NEMP2: variants seen among roughly 807,000 people sequenced by gnomAD.
NEMP2 encodes the protein UPF0571 transmembrane protein.
NEMP2 carries 53 observed loss-of-function variants against 54.2 expected under a neutral mutation model. The observed-to-expected ratio is 0.98, with a 90% CI of 0.78 to 1.23. The LOEUF (loss-of-function observed/expected upper bound fraction) is 1.23, where lower values mean the gene tolerates loss of function less well. NEMP2 is among the 50% of genes most tolerant of loss of function. NEMP2 has a pLI of 0.00. For missense variants in NEMP2, 455 were observed against 511.3 expected (o/e 0.89, Z 1.06); for synonymous variants, 197 against 190.3 (o/e 1.04, Z -0.29).
At chr2:190,426,458 T>G in the NEMP2 span, among the ~76,000 whole-genome samples, 1 of 152,234 alleles carries the variant, frequency 6.6e-6, no homozygotes, top group Non-Finnish European at 1.5e-5. The surrounding 1 kb of genome is among the most constrained non-coding windows in gnomAD (Gnocchi z 4.7). Flanking sequence ...TAATTGCCTA[T>G]CTAAGCATTT....
the NEMP2 span, among the ~76,000 whole-genome samples, chr2:190,467,674 A>G: frequency 6.6e-6 from 1 of 152,206 alleles, no homozygotes; most frequent in Admixed American, 6.5e-5. This position sits in a 1 kb window ranked among gnomAD's most constrained non-coding sequence, Gnocchi z 5.5. Flanking sequence ...CTCACTGACC[A>G]AATCTGGCCT....
chr2:190,577,598 G>A, the NEMP2 span, among the ~76,000 whole-genome samples: 1 of 152,180 alleles, frequency 6.6e-6, no homozygotes, highest in Non-Finnish European at 1.5e-5. This position sits in a 1 kb window ranked among gnomAD's most constrained non-coding sequence, Gnocchi z 4.8. Context: ...TAGTGAAGCT[G>A]GGAGCAGTGG....
the NEMP2 span, among the ~76,000 whole-genome samples, chr2:190,591,789 CATT>C: frequency 3.3e-5 from 5 of 152,128 alleles, no homozygotes; most frequent in Non-Finnish European, 5.9e-5. This position sits in a 1 kb window ranked among gnomAD's most constrained non-coding sequence, Gnocchi z 5.4. Flanking sequence ...GGACATAACA[CATT>C]ATTGTTGTTA....
chr2:190,512,776 G>A lies in NEMP2; in HGVS notation c.953+1677C>T, dbSNP rs1337404697. On this transcript the variant is annotated intron_variant, in intron 7 of 8. Coordinates refer to ENST00000409150, the MANE Select transcript of NEMP2 (RefSeq NM_001142645.2). The surrounding 1 kb of genome is among the most constrained non-coding windows in gnomAD (Gnocchi z 4.5). ...GGTGTTCCGAGTCACTGTTTGCCTCGGGCAGATGGGGCAAAGAGAGACCCA... is the reference window on the plus strand; with the variant it reads ...GGTGTTCCGAGTCACTGTTTGCCTCAGGCAGATGGGGCAAAGAGAGACCCA... 6.6e-6 allele frequency among the ~76,000 whole-genome samples: 1 copy of A among 152,132 alleles called. No individual in the cohort carries two copies. The highest frequency in any genetic ancestry group is 2.4e-5 in the African/African-American group (1 of 41,424).
chr2:190,574,890 T>A, the NEMP2 span, among the ~76,000 whole-genome samples: 1 of 147,846 alleles, frequency 6.8e-6, no homozygotes, highest in African/African-American at 2.5e-5. Flanking sequence ...AGTCTCACGC[T>A]GTCGCCCAGG....
At chr2:190,564,925 C>G in the NEMP2 span, among the ~76,000 whole-genome samples, 4 of 152,160 alleles carry the variant, frequency 2.6e-5, no homozygotes, top group Non-Finnish European at 4.4e-5. The surrounding 1 kb of genome is among the most constrained non-coding windows in gnomAD (Gnocchi z 4.2). Context: ...AAGCCATAGT[C>G]TAAAGTGTGT....
chr2:190,458,752 C>T, the NEMP2 span, among the ~76,000 whole-genome samples: 1 of 152,162 alleles, frequency 6.6e-6, no homozygotes, highest in Admixed American at 6.6e-5. The surrounding 1 kb of genome is among the most constrained non-coding windows in gnomAD (Gnocchi z 5.3). Context: ...AAAATGGGGA[C>T]TGTATTGTCC....
At chr2:190,440,956 C>T in the NEMP2 span, among the ~76,000 whole-genome samples, 1 of 152,082 alleles carries the variant, frequency 6.6e-6, no homozygotes, top group Non-Finnish European at 1.5e-5. Flanking sequence ...TTCAGCACAG[C>T]CAAGGACACA....
chr2:190,627,524 TAAC>T, the NEMP2 span, among the ~76,000 whole-genome samples: 1 of 152,024 alleles, frequency 6.6e-6, no homozygotes, highest in Non-Finnish European at 1.5e-5. The surrounding 1 kb of genome is among the most constrained non-coding windows in gnomAD (Gnocchi z 4.4). Context: ...TTTTGGCACT[TAAC>T]AAGTAATAAC....
chr2:190,435,954 A>T, the NEMP2 span: 1 of 1,503,742 alleles, frequency 6.7e-7, no homozygotes, highest in Admixed American at 2.2e-5. Flanking sequence ...TTACTAAGCC[A>T]TCTTTTAAAT....
At chr2:190,495,682 T>TAAATAAA in the NEMP2 span, among the ~76,000 whole-genome samples, 1 of 151,570 alleles carries the variant, frequency 6.6e-6, no homozygotes. This position sits in a 1 kb window ranked among gnomAD's most constrained non-coding sequence, Gnocchi z 4.7. Context: ...AGAAAACCCA[T>TAAATAAA]AAATAAAGCC....
In NEMP2 at chr2:190,508,910, G is replaced by T; in HGVS notation, c.*279C>A. 2.5e-6 allele frequency: 1 copy of T among 399,112 alleles called. No individual in the cohort carries two copies. 24.7% of individuals were successfully genotyped at this position (399,112 alleles called of 1,614,324 possible). On this transcript the variant is annotated 3_prime_UTR_variant, in exon 9 of 9. Transcript: ENST00000409150. The surrounding 1 kb of genome is among the most constrained non-coding windows in gnomAD (Gnocchi z 4.3). The stretch of plus-strand genomic sequence containing the variant: ...TGCTTACTAGCCCCTTAAGAACAAC[G>T]CCATTCCCCTGTTCCTAATGAAAGC...
intron 4 of NEMP2, 73 bp downstream of exon 4, chr2:190,518,663 C>T (rs1449618271): frequency 8.1e-7 from 1 of 1,228,380 alleles, no homozygotes; most frequent in Non-Finnish European, 1.1e-6. Flanking sequence ...TGTGAAAATA[C>T]TTAGCATGTG....
the NEMP2 span, chr2:190,444,786 G>C: frequency 2.6e-6 from 1 of 386,790 alleles, no homozygotes; most frequent in Non-Finnish European, 3.5e-6. Flanking sequence ...GTATTAGGGT[G>C]CTAAAACCAT....
At chr2:190,636,521 T>A in the NEMP2 span, among the ~76,000 whole-genome samples, 1 of 152,244 alleles carries the variant, frequency 6.6e-6, no homozygotes, top group African/African-American at 2.4e-5. Flanking sequence ...TTTAACTGCA[T>A]CCATGCAAAT....
At chr2:190,640,339 G>T in the NEMP2 span, among the ~76,000 whole-genome samples, 1 of 151,402 alleles carries the variant, frequency 6.6e-6, no homozygotes, top group South Asian at 2.1e-4. Context: ...TCTAAAGGTT[G>T]TTTATTTTTT....
chr2:190,487,903 A>AT, the NEMP2 span, among the ~76,000 whole-genome samples: 14 of 151,588 alleles, frequency 9.2e-5, no homozygotes, highest in African/African-American at 1.7e-4. The surrounding 1 kb of genome is among the most constrained non-coding windows in gnomAD (Gnocchi z 5.5). Context: ...AGTCAAAATA[A>AT]TTTTTTTTTC....
chr2:190,637,346 T>A, the NEMP2 span, among the ~76,000 whole-genome samples: 2 of 152,214 alleles, frequency 1.3e-5, no homozygotes, highest in Non-Finnish European at 2.9e-5. This position sits in a 1 kb window ranked among gnomAD's most constrained non-coding sequence, Gnocchi z 4.5. Flanking sequence ...TATTCTCATG[T>A]CTGACACTCA....
rs1265850119 is a variant in NEMP2, at chr2:190,527,472, G to T, written c.98-2094C>A. On this transcript the variant is annotated intron_variant, in intron 1 of 8. Transcript: ENST00000409150. This position sits in a 1 kb window ranked among gnomAD's most constrained non-coding sequence, Gnocchi z 4.0. ...ACACGAAGCAGCAAAATTACACAAG[G>T]ACCCAACGTATTCAACTGTGACAGT... Among the ~76,000 whole-genome samples, 1 of 152,104 alleles carries T rather than the reference G, an allele frequency of 6.6e-6. No homozygotes were observed. The highest frequency in any genetic ancestry group is 1.5e-5 in the Non-Finnish European group (1 of 68,014).
Sources: gnomAD v4.1 joint callset for allele counts (sites outside exome capture counted in the v4.1 genomes callset) on GRCh38, gnomAD v4.1.1 for gene constraint, Gnocchi (gnomAD v3.1) non-coding constraint, MANE v1.5 for transcripts, NCBI Gene and HGNC (gene_info 2026-07-23, HGNC 2026-07-21) for gene names.